Variants in ARID5B observed in about 807,000 individuals in gnomAD.
ARID5B encodes the protein AT-rich interactive domain-containing protein 5B.
Under a neutral mutation model 97.2 loss-of-function variants are expected in ARID5B, and 13 were observed. The ratio of observed to expected loss-of-function variants is 0.13; its 90% CI spans 0.09 to 0.21. The LOEUF is 0.21. Ranked by LOEUF, ARID5B falls within the 10% of genes least tolerant of loss-of-function variation. The pLI, the probability that ARID5B is intolerant of heterozygous loss-of-function variation, is 1.00. For synonymous variants in ARID5B, 556 were observed against 570.3 expected, an observed-to-expected ratio of 0.97 and a Z score of 0.36; for missense variants, 1,210 against 1,465.3, an observed-to-expected ratio of 0.83 and a Z score of 2.84.
At position 62,041,400 on chromosome 10, in the gene ARID5B, G is replaced by A. The variant is rs780719103; in HGVS notation, c.734-9488G>A. ...CAAAGAAAAATGTCTCCGAATCTCA[G>A]ACAACCAAAAATAGTCATCTTTTTA... On this transcript the variant is annotated intron_variant, in intron 4 of 9. Transcript: ENST00000279873. Among the ~76,000 whole-genome samples, 3 of 152,224 alleles carry A rather than the reference G, an allele frequency of 2.0e-5. No individual in the cohort carries two copies. The Middle Eastern group carries it at 0.01, about 518-fold the overall frequency.
At chr10:62,051,530 G>A (rs1839790233) in intron 5 of ARID5B, among the ~76,000 whole-genome samples, 1 of 152,086 alleles carries the variant, frequency 6.6e-6, no homozygotes, top group South Asian at 2.1e-4. Flanking sequence ...GTATACATAT[G>A]CCCACAAGCA....
In ARID5B at chr10:62,092,073, T is replaced by A; in HGVS notation, c.2610T>A (p.Phe870Leu). The part of the protein sequence containing the change: ...DMYRESENSS[F>L]PSHRHQEKLH... ...ACAGGGAATCGGAAAACAGTTCTTT[T>A]CCTTCCCACAGACACCAAGAAAAGC... Residue 870 changes from phenylalanine to leucine, a missense_variant, in exon 10 of 10, where the codon TTT (phenylalanine) becomes TTA (leucine). Phe to Leu is a conservative substitution (Grantham distance 22). This residue lies in a region of ARID5B where 800 missense variants were observed against 839.1 expected (regional missense o/e 0.95). Coordinates refer to ENST00000279873, the MANE Select transcript of ARID5B (RefSeq NM_032199.3). 1.2e-6 allele frequency: 2 copies of A among 1,613,964 alleles called. No individual in the cohort carries two copies. The highest frequency in any genetic ancestry group is 1.7e-6 in the Non-Finnish European group (2 of 1,179,968).
intron 3 of ARID5B, among the ~76,000 whole-genome samples, chr10:61,996,864 T>C (rs747329217): frequency 6.7e-6 from 1 of 149,392 alleles, no homozygotes; most frequent in Non-Finnish European, 1.5e-5. Context: ...GAAATAAGAA[T>C]TTTTTAAAAG....
chr10:62,009,367 A>G (rs920621371), intron 4 of ARID5B, among the ~76,000 whole-genome samples: 1 of 152,200 alleles, frequency 6.6e-6, no homozygotes, highest in Non-Finnish European at 1.5e-5. Context: ...AACTATGTTT[A>G]AGGCAGAACT....
At chr10:61,904,287 G>T (rs1318860068) in intron 2 of ARID5B, among the ~76,000 whole-genome samples, 1 of 152,044 alleles carries the variant, frequency 6.6e-6, no homozygotes, top group Non-Finnish European at 1.5e-5. Context: ...GGGGGGCGGG[G>T]AATTGAAATT....
At chr10:62,040,338 A>T (rs1300357844) in intron 4 of ARID5B, among the ~76,000 whole-genome samples, 8 of 9,244 alleles carry the variant, frequency 8.7e-4, no homozygotes, top group South Asian at 0.014. Flanking sequence ...CTATTATAAC[A>T]TTATATATAT....
intron 5 of ARID5B, among the ~76,000 whole-genome samples, chr10:62,054,246 C>T (rs1264377474): frequency 6.6e-6 from 1 of 152,140 alleles, no homozygotes; most frequent in African/African-American, 2.4e-5. Context: ...GACTAGCTCC[C>T]ATTTCCACTA....
intron 4 of ARID5B, among the ~76,000 whole-genome samples, chr10:62,048,409 A>T (rs977356202): frequency 6.6e-6 from 1 of 152,206 alleles, no homozygotes; most frequent in Admixed American, 6.5e-5. Context: ...AGGGAAAAAA[A>T]GTTCAGAGGG....
intron 4 of ARID5B, among the ~76,000 whole-genome samples, chr10:62,027,692 C>T: frequency 6.6e-6 from 1 of 152,082 alleles, no homozygotes; most frequent in East Asian, 1.9e-4. Context: ...ACTTCTTGCA[C>T]TCGTTTCTTT....
chr10:61,912,092 A>G (rs1035420719), intron 2 of ARID5B, among the ~76,000 whole-genome samples: 1 of 152,222 alleles, frequency 6.6e-6, no homozygotes, highest in South Asian at 2.1e-4. Context: ...GTTCTATTGT[A>G]TTTGAAAAGC....
intron 3 of ARID5B, among the ~76,000 whole-genome samples, chr10:61,978,513 G>T (rs1217652276): frequency 2.6e-5 from 4 of 152,174 alleles, no homozygotes; most frequent in African/African-American, 9.7e-5. Flanking sequence ...TCTTCCATTT[G>T]TTTGTGTCCT....
At chr10:61,903,791 C>A (rs913690481) in intron 2 of ARID5B, among the ~76,000 whole-genome samples, 6 of 151,882 alleles carry the variant, frequency 4.0e-5, no homozygotes, top group East Asian at 1.9e-4. Flanking sequence ...TCGAATTACT[C>A]GTCAGTGGTC....
At chr10:61,983,042 T>C (rs1470833071) in intron 3 of ARID5B, among the ~76,000 whole-genome samples, 3 of 152,198 alleles carry the variant, frequency 2.0e-5, no homozygotes, top group East Asian at 1.9e-4. Context: ...GAACCTCATA[T>C]TGAGGCTCCT....
Position 62,091,367 on chromosome 10 carries a change from G to C in ARID5B, c.1904G>C (p.Ser635Thr), listed in dbSNP as rs1249119567. Residue 635 changes from serine (S) to threonine (T), a missense_variant, in exon 10 of 10, where the codon AGT becomes ACT. Physicochemically the swap from Ser to Thr is moderately conservative, Grantham distance 58. Around this residue, in one of 8 missense-constraint regions of ARID5B, gnomAD observed 800 missense variants for 839.1 expected, o/e 0.95. Transcript: ENST00000279873. ...ACCGTGAAGGTGGACCAGCTGGGCAGTGACGACATCCACAATGCGCTCAAG... is the reference window on the plus strand; with the variant it reads ...ACCGTGAAGGTGGACCAGCTGGGCACTGACGACATCCACAATGCGCTCAAG... ...NCTVKVDQLG[S>T]DDIHNALKQT... The C allele has an allele frequency of 6.2e-7, 1 of 1,614,174 alleles. No individual in the cohort carries two copies. The highest frequency in any genetic ancestry group is 8.5e-7 in the Non-Finnish European group (1 of 1,180,032).
At chr10:61,923,896 C>T (rs199848782) in intron 2 of ARID5B, among the ~76,000 whole-genome samples, 1 of 152,248 alleles carries the variant, frequency 6.6e-6, no homozygotes, top group East Asian at 1.9e-4. Context: ...GTAATTGGAT[C>T]AGATTGAATT....
At chr10:62,021,361 G>C (rs1452861085) in intron 4 of ARID5B, among the ~76,000 whole-genome samples, 1 of 152,126 alleles carries the variant, frequency 6.6e-6, no homozygotes, top group African/African-American at 2.4e-5. Flanking sequence ...CTTGGTGTGT[G>C]CAAAGGCATC....
At chr10:61,951,891 T>C (rs1327774675) in intron 3 of ARID5B, among the ~76,000 whole-genome samples, 11 of 152,204 alleles carry the variant, frequency 7.2e-5, no homozygotes, top group Non-Finnish European at 5.9e-5. Flanking sequence ...AAATATCCTA[T>C]ACTGGGTTTT....
At position 62,094,199 on chromosome 10, in the gene ARID5B, T is replaced by C. The variant is rs1419533808; in HGVS notation, c.*1169T>C. 1 of 232,598 alleles carries C rather than the reference T, an allele frequency of 4.3e-6. No homozygotes were observed. Among genetic ancestry groups the C allele is most frequent in the East Asian group, 6.1e-5 (1 of 16,516 alleles). The allele number at this position is 232,598 out of a possible 1,614,324, so 14.4% of individuals were successfully genotyped here. A position where few individuals can be genotyped will look rare whatever the true frequency, so the allele number is the denominator to read the frequency against. ...GGAGCCAAAATGATTTACATTGGCG[T>C]TGGCACTGATTCCTTTAAATGGTCT... is the stretch of plus-strand genomic sequence containing the variant. On this transcript the variant is annotated 3_prime_UTR_variant, in exon 10 of 10. Transcript: ENST00000279873.
intron 3 of ARID5B, among the ~76,000 whole-genome samples, chr10:61,989,756 G>T (rs1838897064): frequency 6.6e-6 from 1 of 152,146 alleles, no homozygotes; most frequent in Non-Finnish European, 1.5e-5. Context: ...TGAATTTAGA[G>T]CATCATAACA....
Sources: gnomAD v4.1 joint callset for allele counts (sites outside exome capture counted in the v4.1 genomes callset) on GRCh38, gnomAD v4.1.1 for gene constraint, gnomAD v4.1.1 regional missense constraint, MANE v1.5 for transcripts, NCBI Gene and HGNC (gene_info 2026-07-23, HGNC 2026-07-21) for gene names.